Variants in CAMTA1 observed in about 807,000 individuals in gnomAD.
The protein encoded by CAMTA1 is calmodulin binding transcription activator 1.
CAMTA1 carries 27 observed loss-of-function variants against 170.9 expected under a neutral mutation model. That is an observed-to-expected ratio of 0.16 (90% CI 0.12 to 0.22). The LOEUF is 0.22. CAMTA1 is among the 10% of genes least tolerant of loss of function. CAMTA1 has a pLI of 1.00. For missense variants in CAMTA1, 1,619 were observed against 2,217.2 expected, an observed-to-expected ratio of 0.73 and a Z score of 5.42; for synonymous variants, 833 against 891.5, an observed-to-expected ratio of 0.93 and a Z score of 1.17.
intron 3 of CAMTA1, among the ~76,000 whole-genome samples, chr1:7,026,126 A>G (rs1409417626): frequency 6.6e-6 from 1 of 152,094 alleles, no homozygotes; most frequent in Admixed American, 6.5e-5. Flanking sequence ...CCTTAAAAAA[A>G]AAAAAAAGAA....
chr1:7,017,637 G>A (rs1700746553), intron 3 of CAMTA1, among the ~76,000 whole-genome samples: 1 of 152,192 alleles, frequency 6.6e-6, no homozygotes, highest in African/African-American at 2.4e-5. Context: ...TCATGGCCCT[G>A]TCTCATTTGT....
intron 4 of CAMTA1, among the ~76,000 whole-genome samples, chr1:7,106,662 G>A (rs1364292118): frequency 2.6e-5 from 4 of 152,164 alleles, no homozygotes; most frequent in African/African-American, 4.8e-5. Flanking sequence ...CCGTGGAACC[G>A]CGTTTCTCTG....
Position 6,975,682 on chromosome 1 carries a change from A to G in CAMTA1, c.235-115622A>G, listed in dbSNP as rs573239029. On this transcript the variant is annotated intron_variant, in intron 3 of 22. Transcript: ENST00000303635. Reference sequence around the variant, plus strand: ...GGCTTTAGATGGGTACAATTCACTCATGTAAAGCCTACAATTCAGTGGTTT... The same window carrying G: ...GGCTTTAGATGGGTACAATTCACTCGTGTAAAGCCTACAATTCAGTGGTTT... Among the ~76,000 whole-genome samples, 136 of 152,284 alleles carry G rather than the reference A, an allele frequency of 8.9e-4. 1 individual carries two copies. Among genetic ancestry groups the G allele is most frequent in the African/African-American group, 3.1e-3 (130 of 41,550 alleles).
chr1:7,734,177 C>A (rs1270063684), intron 12 of CAMTA1, among the ~76,000 whole-genome samples: 1 of 152,182 alleles, frequency 6.6e-6, no homozygotes, highest in Non-Finnish European at 1.5e-5. Flanking sequence ...GAACTCCCAA[C>A]CTCAGGTGAT....
At chr1:7,610,042 G>A (rs993666092) in intron 6 of CAMTA1, among the ~76,000 whole-genome samples, 1 of 152,158 alleles carries the variant, frequency 6.6e-6, no homozygotes, top group Admixed American at 6.5e-5. Flanking sequence ...GCCTGCAAAG[G>A]GGGAGCTGCT....
chr1:7,110,668 G>A lies in CAMTA1; in HGVS notation c.302+19297G>A, dbSNP rs536213756. Among the ~76,000 whole-genome samples the A allele has an allele frequency of 1.7e-3, 258 of 152,276 alleles. 3 individuals are homozygous for A. The highest frequency in any genetic ancestry group is 8.7e-4 in the African/African-American group (36 of 41,564). On this transcript the variant is annotated intron_variant, in intron 4 of 22. Coordinates refer to ENST00000303635, the MANE Select transcript of CAMTA1 (RefSeq NM_015215.4). ...AATGAGTGTTCTTAGAAGCTGGGTC[G>A]GATTCCTGCCTTTTCAAGGAAGGTG...
intron 6 of CAMTA1, among the ~76,000 whole-genome samples, chr1:7,503,312 G>A (rs981180154): frequency 1.3e-5 from 2 of 152,202 alleles, no homozygotes; most frequent in Non-Finnish European, 1.5e-5. Flanking sequence ...TGGAGAAGTG[G>A]GATTATTAAG....
At chr1:7,275,224 G>A (rs1185451024) in intron 5 of CAMTA1, among the ~76,000 whole-genome samples, 2 of 151,188 alleles carry the variant, frequency 1.3e-5, no homozygotes, top group Non-Finnish European at 1.5e-5. Flanking sequence ...AATGTATGGA[G>A]TACAGGGAAA....
At chr1:6,804,169 C>T (rs1311266143) in intron 1 of CAMTA1, among the ~76,000 whole-genome samples, 4 of 145,746 alleles carry the variant, frequency 2.7e-5, no homozygotes, top group Non-Finnish European at 4.5e-5. Context: ...GGGAAACGAG[C>T]GAAACTCTTT....
chr1:7,304,268 G>A (rs1675249667), intron 5 of CAMTA1, among the ~76,000 whole-genome samples: 1 of 152,128 alleles, frequency 6.6e-6, no homozygotes, highest in African/African-American at 2.4e-5. Flanking sequence ...CCTCGAGATG[G>A]GAGTTGGTAT....
chr1:7,227,213 G>A (rs541146197), intron 4 of CAMTA1, among the ~76,000 whole-genome samples: 19 of 152,256 alleles, frequency 1.2e-4, no homozygotes, highest in Non-Finnish European at 2.4e-4. Context: ...GTCCGTCTCT[G>A]TGCCCCTGTC....
chr1:6,897,872 A>G (rs1048335195), intron 3 of CAMTA1, among the ~76,000 whole-genome samples: 4 of 152,198 alleles, frequency 2.6e-5, no homozygotes, highest in Non-Finnish European at 4.4e-5. Context: ...TAAGAGCCAA[A>G]ATGATTTTCT....
chr1:6,977,280 C>T (rs1693610599), intron 3 of CAMTA1, among the ~76,000 whole-genome samples: 1 of 151,958 alleles, frequency 6.6e-6, no homozygotes, highest in Non-Finnish European at 1.5e-5. Flanking sequence ...CCGCATACTT[C>T]TGTTCACTCG....
chr1:6,805,540 C>T (rs1217251758), intron 1 of CAMTA1, among the ~76,000 whole-genome samples: 3 of 152,188 alleles, frequency 2.0e-5, no homozygotes, highest in Non-Finnish European at 4.4e-5. Flanking sequence ...GGGTCTCATT[C>T]TGTCACCCAG....
At chr1:6,835,736 T>A (rs1383068528) in intron 3 of CAMTA1, among the ~76,000 whole-genome samples, 1 of 152,242 alleles carries the variant, frequency 6.6e-6, no homozygotes, top group South Asian at 2.1e-4. Flanking sequence ...GTGCTTTGGC[T>A]ACATAGGTTA....
In CAMTA1 at chr1:7,490,379, C is replaced by T. The variant is rs537459830; in HGVS notation, c.510+22478C>T. Among the ~76,000 whole-genome samples the T allele has an allele frequency of 3.7e-4, 56 of 152,300 alleles. 2 individuals are homozygous for T. The highest frequency in any genetic ancestry group is 1.2e-3 in the African/African-American group (50 of 41,554). On this transcript the variant is annotated intron_variant, in intron 6 of 22. Transcript: ENST00000303635. ...ATCAAAAGCAGTGATTGGCCGGGCGCGATGGCTCATGCCTGTAATCCCAGC... is the reference window on the plus strand; with the variant it reads ...ATCAAAAGCAGTGATTGGCCGGGCGTGATGGCTCATGCCTGTAATCCCAGC...
intron 3 of CAMTA1, among the ~76,000 whole-genome samples, chr1:6,885,153 C>G (rs902534224): frequency 3.9e-5 from 6 of 152,060 alleles, no homozygotes; most frequent in Non-Finnish European, 5.9e-5. Flanking sequence ...ACAGAGTCAC[C>G]CCTCACACAG....
intron 4 of CAMTA1, among the ~76,000 whole-genome samples, chr1:7,186,544 G>A (rs1254904211): frequency 6.6e-6 from 1 of 152,116 alleles, no homozygotes; most frequent in African/African-American, 2.4e-5. Flanking sequence ...TATGGCAAAA[G>A]CCCTGATCTG....
At chr1:7,711,879 A>G (rs2096573373) in intron 11 of CAMTA1, among the ~76,000 whole-genome samples, 1 of 152,240 alleles carries the variant, frequency 6.6e-6, no homozygotes, top group African/African-American at 2.4e-5. Flanking sequence ...AATATTTCCC[A>G]GAAAAACAGT....
Sources: gnomAD v4.1 joint callset for allele counts (sites outside exome capture counted in the v4.1 genomes callset) on GRCh38, gnomAD v4.1.1 for gene constraint, MANE v1.5 for transcripts, NCBI Gene and HGNC (gene_info 2026-07-23, HGNC 2026-07-21) for gene names.